Variants in PRLR observed in about 807,000 individuals in gnomAD.
PRLR encodes the protein prolactin receptor, also known as hPRL receptor.
A neutral mutation model predicts 40.2 loss-of-function variants in PRLR; 13 were observed. The observed-to-expected ratio is 0.32, with a 90% CI of 0.21 to 0.51. PRLR has a LOEUF of 0.51. PRLR is among the 20% of genes least tolerant of loss of function. The pLI is 0.97. For missense variants in PRLR, 656 were observed against 747.3 expected (o/e 0.88, Z 1.42); for synonymous variants, 269 against 278.7 (o/e 0.97, Z 0.35).
intron 2 of PRLR, among the ~76,000 whole-genome samples, chr5:35,096,020 T>C (rs1487218985): frequency 6.6e-6 from 1 of 152,216 alleles, no homozygotes; most frequent in African/African-American, 2.4e-5. Flanking sequence ...GGAGCGCATG[T>C]GCTGTGCATG....
Position 35,065,556 on chromosome 5 carries a change from T to C in PRLR, c.1402A>G (p.Arg468Gly), listed in dbSNP as rs1169680815. 6 of 1,613,996 alleles carry C rather than the reference T, an allele frequency of 3.7e-6. 1 individual carries two copies. In the South Asian group the frequency reaches 6.6e-5, roughly 18 times the overall value. Reference sequence around the variant, plus strand: ...TGCTGGGTTGCCTTTCCCTCTTCTCTAGACTTAATGGTTTGAGAGGATTTT... The same window carrying C: ...TGCTGGGTTGCCTTTCCCTCTTCTCCAGACTTAATGGTTTGAGAGGATTTT... ...ALKSSQTIKS[R>G]EEGKATQQRE... Residue 468 changes from arginine (R) to glycine (G), a missense_variant, in exon 10 of 10, where the codon AGA becomes GGA. By Grantham distance (125) the Arg-to-Gly change is moderately radical. Coordinates refer to ENST00000618457, the MANE Select transcript of PRLR (RefSeq NM_000949.7).
intron 1 of PRLR, among the ~76,000 whole-genome samples, chr5:35,214,955 C>T (rs1018125430): frequency 6.6e-6 from 1 of 152,160 alleles, no homozygotes; most frequent in African/African-American, 2.4e-5. Context: ...TTGCAACCTC[C>T]TAGATCCCTG....
intron 1 of PRLR, among the ~76,000 whole-genome samples, chr5:35,169,143 G>T (rs1253811737): frequency 6.6e-6 from 1 of 152,108 alleles, no homozygotes; most frequent in African/African-American, 2.4e-5. Flanking sequence ...ATTCCAGCAA[G>T]AACAACGAAG....
chr5:35,217,696 T>C (rs1158169430), intron 1 of PRLR, among the ~76,000 whole-genome samples: 2 of 152,166 alleles, frequency 1.3e-5, no homozygotes, highest in Non-Finnish European at 2.9e-5. Flanking sequence ...GAATTTTAAA[T>C]GAACTAAATG....
chr5:35,073,569 A>C (rs556500805), intron 5 of PRLR, among the ~76,000 whole-genome samples: 1 of 152,344 alleles, frequency 6.6e-6, no homozygotes, highest in East Asian at 1.9e-4. Flanking sequence ...TAGAAGAGGG[A>C]AATTACTCGC....
chr5:35,189,313 GCTTACA>G (rs1249576040), intron 1 of PRLR, among the ~76,000 whole-genome samples: 1 of 152,182 alleles, frequency 6.6e-6, no homozygotes, highest in Non-Finnish European at 1.5e-5. Context: ...AGGCATGGTG[GCTTACA>G]CCTGTGATCC....
At chr5:35,092,509 T>C (rs1243275997) in intron 2 of PRLR, among the ~76,000 whole-genome samples, 1 of 152,220 alleles carries the variant, frequency 6.6e-6, no homozygotes, top group Non-Finnish European at 1.5e-5. Context: ...ACCGACCTTT[T>C]TTTTTCTTTT....
At position 35,118,107 on chromosome 5, in the gene PRLR, T is replaced by C. The variant is rs917961539; in HGVS notation, c.-90A>G. On this transcript the variant is annotated 5_prime_UTR_variant, in exon 2 of 10. Coordinates refer to ENST00000618457, the MANE Select transcript of PRLR (RefSeq NM_000949.7). ...CATCCTCAGTGTTCGCCTCCATGAA[T>C]AGGAGAGTTCTTTAGCTGAAAGAGG... 2 of 985,410 alleles carry C rather than the reference T, an allele frequency of 2.0e-6. No homozygotes were observed. Among genetic ancestry groups the C allele is most frequent in the African/African-American group, 1.7e-5 (1 of 57,208 alleles). The allele number at this position is 985,410 out of a possible 1,614,324, so 61.0% of individuals were successfully genotyped here. A position where few individuals can be genotyped will look rare whatever the true frequency, so the allele number is the denominator to read the frequency against.
intron 1 of PRLR, among the ~76,000 whole-genome samples, chr5:35,150,627 A>T (rs1196806923): frequency 6.6e-6 from 1 of 152,236 alleles, no homozygotes; most frequent in East Asian, 1.9e-4. Flanking sequence ...AGTGGGTCAT[A>T]AAGTTAAGGC....
chr5:35,125,037 G>T (rs1280128036), intron 1 of PRLR, among the ~76,000 whole-genome samples: 1 of 152,114 alleles, frequency 6.6e-6, no homozygotes, highest in African/African-American at 2.4e-5. Context: ...TCTAGAGTGG[G>T]TTACTTAGAA....
intron 1 of PRLR, among the ~76,000 whole-genome samples, chr5:35,176,200 A>G (rs1479718176): frequency 6.6e-6 from 1 of 152,086 alleles, no homozygotes; most frequent in Non-Finnish European, 1.5e-5. Context: ...TTTGTTTATA[A>G]CTTCTCCCAC....
intron 1 of PRLR, among the ~76,000 whole-genome samples, chr5:35,175,326 A>G (rs1775116293): frequency 6.6e-6 from 1 of 152,180 alleles, no homozygotes; most frequent in African/African-American, 2.4e-5. Context: ...GCTGCCATTC[A>G]TGTAAGACAC....
downstream of PRLR, among the ~76,000 whole-genome samples, chr5:35,053,866 T>C (rs1304914766): frequency 6.6e-6 from 1 of 152,146 alleles, no homozygotes; most frequent in Non-Finnish European, 1.5e-5. Context: ...AAGAAGGGTA[T>C]GGTGGTGTGA....
intron 3 of PRLR, among the ~76,000 whole-genome samples, chr5:35,087,057 G>A (rs535836174): frequency 3.3e-5 from 5 of 151,808 alleles, no homozygotes; most frequent in African/African-American, 4.8e-5. Flanking sequence ...GCAGTGGTGC[G>A]ATCTTGGCTC....
At chr5:35,112,343 C>T (rs777948890) in intron 2 of PRLR, among the ~76,000 whole-genome samples, 7 of 152,084 alleles carry the variant, frequency 4.6e-5, no homozygotes, top group Admixed American at 2.0e-4. Context: ...CAAAGAAGGG[C>T]TGGGTCATCT....
intron 2 of PRLR, among the ~76,000 whole-genome samples, chr5:35,110,333 T>A (rs950000063): frequency 3.3e-5 from 5 of 150,922 alleles, no homozygotes; most frequent in Admixed American, 3.3e-4. Context: ...CTGCATGTTG[T>A]GCACATGTAC....
chr5:35,099,167 G>A (rs949760353), intron 2 of PRLR, among the ~76,000 whole-genome samples: 6 of 152,122 alleles, frequency 3.9e-5, no homozygotes, highest in African/African-American at 1.4e-4. Context: ...TGCTTCCCCT[G>A]TCGTTAGATG....
chr5:35,136,231 C>G (rs1175664987), intron 1 of PRLR, among the ~76,000 whole-genome samples: 2 of 152,096 alleles, frequency 1.3e-5, no homozygotes, highest in African/African-American at 2.4e-5. Flanking sequence ...ATGTATGAAC[C>G]CATATAAGGT....
chr5:35,098,656 A>G (rs1430176410), intron 2 of PRLR, among the ~76,000 whole-genome samples: 1 of 152,214 alleles, frequency 6.6e-6, no homozygotes, highest in African/African-American at 2.4e-5. Context: ...TATTCATAAC[A>G]ACTTTGTCTA....
Sources: allele counts gnomAD v4.1 joint callset (sites outside exome capture counted in the v4.1 genomes callset), GRCh38; gene constraint gnomAD v4.1.1; transcripts MANE v1.5; gene names NCBI Gene and HGNC (gene_info 2026-07-23, HGNC 2026-07-21).